Variants in COL6A3 observed in about 807,000 individuals in gnomAD.
COL6A3 encodes the protein collagen type VI alpha 3 chain.
In COL6A3, 137 loss-of-function variants were observed where a neutral mutation model predicts 274.1. That is an observed-to-expected ratio of 0.50 (90% CI 0.44 to 0.58). The LOEUF is 0.58. COL6A3 is among the 20% of genes least tolerant of loss of function. COL6A3 has a pLI of 0.00. For synonymous variants in COL6A3, 1,650 were observed against 1,650.6 expected (o/e 1.00, Z 0.01); for missense variants, 3,950 against 4,124.9 (o/e 0.96, Z 1.16).
Position 237,336,319 on chromosome 2 carries a change from C to T in COL6A3, c.8781G>A (p.Met2927Ile), listed in dbSNP as rs765526209. Residue 2927 changes from methionine (M) to isoleucine (I), a missense_variant, in exon 40 of 44, where the codon ATG becomes ATA. Around this residue, in one of 5 missense-constraint regions of COL6A3, gnomAD observed 1,284 missense variants for 1,349.7 expected, o/e 0.95. Coordinates refer to ENST00000295550, the MANE Select transcript of COL6A3 (RefSeq NM_004369.4). Reference protein sequence around the residue: ...PVAAKPVATKMATVRPPVAVK... With the variant: ...PVAAKPVATKIATVRPPVAVK... ...CCGCCACTGGGGGTCTAACAGTGGC[C>T]ATCTTTGTGGCCACAGGCTTGGCAG... is the stretch of plus-strand genomic sequence containing the variant. The T allele has an allele frequency of 1.7e-5, 27 of 1,613,194 alleles. No individual in the cohort carries two copies. The highest frequency in any genetic ancestry group is 2.2e-5 in the Non-Finnish European group (26 of 1,179,386).
rs2077178039 is a variant in COL6A3 at position 237,350,218 on chromosome 2, G to C, written c.6817-9C>G. 1.2e-6 allele frequency: 2 copies of C among 1,613,996 alleles called. No homozygotes were observed. Among genetic ancestry groups the C allele is most frequent in the Non-Finnish European group, 8.5e-7 (1 of 1,179,896 alleles). ...GGCTCTCCGGGCTCACCCTAGACAT[G>C]AGAAACATGGCTGAGACCCTGTGGC... is the stretch of plus-strand genomic sequence containing the variant. On this transcript the variant is annotated splice_polypyrimidine_tract_variant and intron_variant, in intron 27 of 43. Transcript: ENST00000295550.
chr2:237,333,033 C>G (rs969572533), intron 42 of COL6A3: 2 of 317,026 alleles, frequency 6.3e-6, no homozygotes, highest in Non-Finnish European at 1.2e-5. Context: ...GATCCAAACC[C>G]ATGCATTTCA....
In COL6A3 at chr2:237,372,013, C is replaced by G; in HGVS notation, c.4004G>C (p.Gly1335Ala). 6.2e-7 allele frequency: 1 copy of G among 1,614,146 alleles called. No homozygotes were observed. Among genetic ancestry groups the G allele is most frequent in the Non-Finnish European group, 8.5e-7 (1 of 1,180,030 alleles). Reference protein sequence around the residue: ...KRPLGSRIEEGVPQFLVLISS... With the variant: ...KRPLGSRIEEAVPQFLVLISS... ...GATGAGGACCAGGAACTGCGGGACGCCCTCTTCAATGCGGCTCCCCAGGGG... is the reference window on the plus strand; with the variant it reads ...GATGAGGACCAGGAACTGCGGGACGGCCTCTTCAATGCGGCTCCCCAGGGG... The change falls in exon 9 of 44, where the codon GGC becomes GCC. Residue 1335 changes from glycine (G) to alanine (A), a missense_variant. Physicochemically the swap from Gly to Ala is moderately conservative, Grantham distance 60 (BLOSUM62 0). This residue lies in a region of COL6A3 where 1,934 missense variants were observed against 1,984.3 expected (regional missense o/e 0.97). Coordinates refer to ENST00000295550, the MANE Select transcript of COL6A3 (RefSeq NM_004369.4).
At position 237,395,150 on chromosome 2, in the gene COL6A3, G is replaced by A. The variant is rs200025389; in HGVS notation, c.146C>T (p.Thr49Ile). Residue 49 changes from threonine to isoleucine, a missense_variant, in exon 3 of 44, where the codon ACC (threonine) becomes ATC (isoleucine). Thr to Ile is a moderately conservative substitution (Grantham distance 89). Around this residue, in one of 5 missense-constraint regions of COL6A3, gnomAD observed 1,934 missense variants for 1,984.3 expected, o/e 0.97. Coordinates refer to ENST00000295550, the MANE Select transcript of COL6A3 (RefSeq NM_004369.4). ...AAGTTGGAAATGTTCCTCTCCAATG[G>A]TCCAAGAGGAATCCACTAGAAATAT... ...DIIFLVDSSW[T>I]IGEEHFQLVR... 2 of 1,613,656 alleles carry A rather than the reference G, an allele frequency of 1.2e-6. No individual in the cohort carries two copies. Among genetic ancestry groups the A allele is most frequent in the African/African-American group, 1.3e-5 (1 of 75,010 alleles).
chr2:237,374,069 T>C lies in COL6A3; in HGVS notation c.3679+343A>G, dbSNP rs1364971444. Among the ~76,000 whole-genome samples, 2 of 152,236 alleles carry C rather than the reference T, an allele frequency of 1.3e-5. No individual in the cohort carries two copies. The highest frequency in any genetic ancestry group is 2.4e-5 in the African/African-American group (1 of 41,458). On this transcript the variant is annotated intron_variant, in intron 8 of 43. Transcript: ENST00000295550. The surrounding 1 kb of genome is among the most constrained non-coding windows in gnomAD (Gnocchi z 4.8). ...AACCTACCAGGGGTCGCAGGACTGA[T>C]ACGCAACAGGCGTTATCAGTTAGAC...
At position 237,381,337 on chromosome 2, in the gene COL6A3, G is replaced by C. The variant is rs113897824; in HGVS notation, c.1475C>G (p.Thr492Ser). 9,501 of 1,614,200 alleles carry C rather than the reference G, an allele frequency of 5.9e-3. 67 individuals carry two copies. Among genetic ancestry groups the C allele is most frequent in the Middle Eastern group, 0.014 (87 of 6,062 alleles). ...ATTGAAATAAAATTCAGGCCTCACA[G>C]TGTCTGCATACTGGGCCACTGCCAC... Reference protein sequence around the residue: ...IQVAVAQYADTVRPEFYFNTH... With the variant: ...IQVAVAQYADSVRPEFYFNTH... The change falls in exon 5 of 44, where the codon ACT (threonine) becomes AGT (serine). Residue 492 changes from threonine to serine, a missense_variant. By Grantham distance (58) the Thr-to-Ser change is moderately conservative. This residue lies in a region of COL6A3 where 1,934 missense variants were observed against 1,984.3 expected (regional missense o/e 0.97). Coordinates refer to ENST00000295550, the MANE Select transcript of COL6A3 (RefSeq NM_004369.4).
Position 237,345,283 on chromosome 2 carries a change from C to G in COL6A3, c.7093-70G>C. ...AATTCGAATAAACAGGCTTTGGCCC[C>G]CAGAAATACACAGAGCAAGACAAAG... On this transcript the variant is annotated intron_variant, in intron 32 of 43. Coordinates refer to ENST00000295550, the MANE Select transcript of COL6A3 (RefSeq NM_004369.4). 4.0e-6 allele frequency: 6 copies of G among 1,495,654 alleles called. No individual in the cohort carries two copies. In the South Asian group the frequency reaches 4.5e-5, roughly 11 times the overall value. 92.6% of individuals were successfully genotyped at this position (1,495,654 alleles called of 1,614,324 possible).
chr2:237,404,805 C>T (rs1363583177), intron 1 of COL6A3, among the ~76,000 whole-genome samples: 1 of 152,118 alleles, frequency 6.6e-6, no homozygotes, highest in African/African-American at 2.4e-5. Context: ...CCAGAGTGCT[C>T]AATACAATCT....
intron 20 of COL6A3, 34 bp from the exon 21 acceptor site, chr2:237,358,617 A>C (rs781150480): frequency 6.4e-7 from 1 of 1,557,464 alleles, no homozygotes; most frequent in Non-Finnish European, 8.9e-7. Flanking sequence ...GCTAAAAACT[A>C]GATGTTTCCA....
At position 237,376,935 on chromosome 2, in the gene COL6A3, C is replaced by A; in HGVS notation, c.2907G>T (p.Val969=). The change falls in exon 7 of 44, where the codon GTG becomes GTT. Residue 969 remains valine (V), a synonymous_variant. Transcript: ENST00000295550. ...PASNLKQSGV[V]PFIFQAKNAD... ...CGTTCTTGGCTTGGAAGATGAAAGG[C>A]ACAACCCCACTCTGCTTCAGGTTAC... The A allele has an allele frequency of 6.2e-7, 1 of 1,614,252 alleles. No homozygotes were observed. Among genetic ancestry groups the A allele is most frequent in the Non-Finnish European group, 8.5e-7 (1 of 1,180,034 alleles).
chr2:237,401,157 G>A (rs958689537), intron 1 of COL6A3, among the ~76,000 whole-genome samples: 1 of 152,122 alleles, frequency 6.6e-6, no homozygotes, highest in African/African-American at 2.4e-5. Context: ...TACACAGTGG[G>A]GAAAGGCTAG....
At chr2:237,338,941 T>G (rs111928478) in intron 39 of COL6A3, 74 bp downstream of exon 39, 2 of 1,152,120 alleles carry the variant, frequency 1.7e-6, no homozygotes, top group Non-Finnish European at 2.6e-6. Flanking sequence ...TCCCATAAAG[T>G]CAGGAGGTGG....
In COL6A3 at chr2:237,381,447, TGCAGATGA is replaced by T; in HGVS notation, c.1357_1364del (p.Ser453ThrfsTer15). 6.2e-7 allele frequency: 1 copy of T among 1,610,066 alleles called. No homozygotes were observed. The highest frequency in any genetic ancestry group is 8.5e-7 in the Non-Finnish European group (1 of 1,180,012). ...TGGCATTGAAGTTGGCCAGTCCCAG[TGCAGATGA>T]GCCATCCACCAGGAAGACTATGTCT... On this transcript the variant is annotated frameshift_variant, in exon 5 of 44. Coordinates refer to ENST00000295550, the MANE Select transcript of COL6A3 (RefSeq NM_004369.4). LOFTEE classifies it high-confidence loss of function.
chr2:237,378,567 C>T (rs1313285430), intron 6 of COL6A3, 69 bp downstream of exon 6: 3 of 1,610,468 alleles, frequency 1.9e-6, no homozygotes, highest in Non-Finnish European at 2.5e-6. Context: ...TGAGTTCAGA[C>T]TGGCAAACTA....
At position 237,413,204 on chromosome 2, in the gene COL6A3, TGGCCCTGCAGCCCCAGG is replaced by T. The variant is rs1051361980; in HGVS notation, c.-31+732_-31+748del. Among the ~76,000 whole-genome samples the T allele has an allele frequency of 2.6e-5, 4 of 152,220 alleles. No homozygotes were observed. The highest frequency in any genetic ancestry group is 9.6e-5 in the African/African-American group (4 of 41,462). ...GGCCTCACCTCTGTGCAGCATGGGC[TGGCCCTGCAGCCCCAGG>T]GGCCCTGCCTTAGACACTCAGCATG... On this transcript the variant is annotated intron_variant, in intron 1 of 43. Transcript: ENST00000295550. This position sits in a 1 kb window ranked among gnomAD's most constrained non-coding sequence, Gnocchi z 4.0.
intron 37 of COL6A3, 32 bp downstream of exon 37, chr2:237,342,033 G>A: frequency 6.4e-7 from 1 of 1,570,180 alleles, no homozygotes; most frequent in Non-Finnish European, 8.8e-7. Context: ...AATTGCAGCT[G>A]AGCAGATCTT....
chr2:237,361,836 C>T lies in COL6A3; in HGVS notation c.6064-5G>A, dbSNP rs794729206. 3 of 1,613,466 alleles carry T rather than the reference C, an allele frequency of 1.9e-6. No individual in the cohort carries two copies. The highest frequency in any genetic ancestry group is 2.5e-6 in the Non-Finnish European group (3 of 1,179,568). The stretch of plus-strand genomic sequence containing the variant: ...AGCTTTCTCGGCAATGTTGTCCTAC[C>T]GAAAGGAAGAGAAACCAAATGTTCA... On this transcript the variant is annotated splice_polypyrimidine_tract_variant and splice_region_variant and intron_variant, in intron 14 of 43. Coordinates refer to ENST00000295550, the MANE Select transcript of COL6A3 (RefSeq NM_004369.4). This position sits in a 1 kb window ranked among gnomAD's most constrained non-coding sequence, Gnocchi z 5.1.
chr2:237,333,586 A>T, intron 41 of COL6A3, 38 bp from the exon 42 acceptor site: 1 of 1,559,056 alleles, frequency 6.4e-7, no homozygotes, highest in Non-Finnish European at 8.8e-7. Context: ...TAGGTAAATC[A>T]GAAACAGGAG....
At chr2:237,341,982 C>G in intron 37 of COL6A3, 83 bp downstream of exon 37, 1 of 1,146,626 alleles carries the variant, frequency 8.7e-7, no homozygotes, top group Non-Finnish European at 1.3e-6. Context: ...TTTTACAGAT[C>G]ATCATTATTC....
Sources: allele counts gnomAD v4.1 joint callset (sites outside exome capture counted in the v4.1 genomes callset), GRCh38; gene constraint gnomAD v4.1.1; regional missense constraint gnomAD v4.1.1; non-coding constraint Gnocchi (gnomAD v3.1); transcripts MANE v1.5; gene names NCBI Gene and HGNC (gene_info 2026-07-23, HGNC 2026-07-21).